The following ASPRV1 variants were observed in gnomAD, a reference collection of about 807,000 sequenced individuals.
ASPRV1 encodes the protein aspartic peptidase retroviral like 1.
Under a neutral mutation model 11.0 loss-of-function variants are expected in ASPRV1, and 7 were observed. That is an observed-to-expected ratio of 0.64 (90% CI 0.36 to 1.20). The LOEUF is 1.20. ASPRV1 is among the 50% of genes most tolerant of loss of function. The pLI, the probability that ASPRV1 is intolerant of heterozygous loss-of-function variation, is 0.02. For synonymous variants in ASPRV1, 136 were observed against 138.4 expected (o/e 0.98, Z 0.12); for missense variants, 299 against 320.0 (o/e 0.93, Z 0.50).
chr2:70,073,536 A>G, the ASPRV1 span, among the ~76,000 whole-genome samples: 1 of 152,186 alleles, frequency 6.6e-6, no homozygotes, highest in Non-Finnish European at 1.5e-5. Flanking sequence ...ACGATACTTA[A>G]CGATACTTTG....
chr2:70,018,077 T>G, the ASPRV1 span: 6 of 151,566 alleles, frequency 4.0e-5, no homozygotes, highest in African/African-American at 1.5e-4. Flanking sequence ...GAGGCGGAGG[T>G]TGCAGTGAGT....
the ASPRV1 span, among the ~76,000 whole-genome samples, chr2:69,984,624 T>G: frequency 7.2e-6 from 1 of 137,976 alleles, no homozygotes; most frequent in Non-Finnish European, 1.6e-5. Context: ...TTTTTTTTTT[T>G]TTTTTTTTTT....
the ASPRV1 span, among the ~76,000 whole-genome samples, chr2:69,946,497 T>C: frequency 0.2 from 30,436 of 152,176 alleles, 3,839 homozygotes; most frequent in East Asian, 0.43. Flanking sequence ...AGGTAAAGTA[T>C]GCAAACAGCT....
chr2:70,068,946 C>CA, the ASPRV1 span, among the ~76,000 whole-genome samples: 17,500 of 58,504 alleles, frequency 0.3, 2,342 homozygotes, highest in East Asian at 0.34. Context: ...ACTCTTGTCT[C>CA]AAAAAAAAAA....
chr2:70,006,857 T>C, the ASPRV1 span, among the ~76,000 whole-genome samples: 2 of 152,226 alleles, frequency 1.3e-5, no homozygotes, highest in Non-Finnish European at 1.5e-5. Flanking sequence ...TTTATGGCTA[T>C]ACCAGCACAA....
Position 69,960,691 on chromosome 2 carries a change from G to A in ASPRV1, c.746C>T (p.Ser249Phe), listed in dbSNP as rs532254936. ...TAGCTCCTGCCGCCCTTCTTCTGAG[G>A]AGGGGTCCTCCTCTATGAGCTCCAG... ...FDLELIEEDP[S>F]SEEGRQELSH The change falls in exon 1 of 1, where the codon TCC (serine) becomes TTC (phenylalanine). Residue 249 changes from serine (S) to phenylalanine (F), a missense_variant. Coordinates refer to ENST00000320256, the MANE Select transcript of ASPRV1 (RefSeq NM_152792.4). 356 of 1,613,864 alleles carry A rather than the reference G, an allele frequency of 2.2e-4. No homozygotes were observed. Among genetic ancestry groups the A allele is most frequent in the Non-Finnish European group, 2.8e-4 (334 of 1,179,966 alleles).
chr2:69,958,739 G>C (rs964090989), downstream of ASPRV1, among the ~76,000 whole-genome samples: 1 of 152,186 alleles, frequency 6.6e-6, no homozygotes, highest in Non-Finnish European at 1.5e-5. Context: ...GAGTGGGGCT[G>C]AAAATCAAAT....
the ASPRV1 span, chr2:69,937,451 G>GGAGA: frequency 6.6e-7 from 1 of 1,520,434 alleles, no homozygotes; most frequent in Non-Finnish European, 8.8e-7. Flanking sequence ...CCCAGAGCAG[G>GGAGA]GGTTCAGTAC....
the ASPRV1 span, among the ~76,000 whole-genome samples, chr2:69,948,083 CAA>C: frequency 5.8e-5 from 8 of 137,918 alleles, no homozygotes; most frequent in Admixed American, 7.1e-5. Flanking sequence ...CCCCGTCTCT[CAA>C]AAAAAAAAAA....
the ASPRV1 span, chr2:69,943,012 C>T: frequency 6.6e-6 from 1 of 152,164 alleles, no homozygotes; most frequent in African/African-American, 2.4e-5. Flanking sequence ...GAACTGCGTT[C>T]ATCAGATTTC....
At chr2:70,004,302 C>T in the ASPRV1 span, among the ~76,000 whole-genome samples, 157 of 152,080 alleles carry the variant, frequency 1.0e-3, 1 homozygote, top group African/African-American at 3.4e-3. Flanking sequence ...GAGGCCGAGG[C>T]GGGCGGATGA....
the ASPRV1 span, among the ~76,000 whole-genome samples, chr2:70,014,080 T>C: frequency 6.6e-6 from 1 of 152,190 alleles, no homozygotes; most frequent in African/African-American, 2.4e-5. Context: ...TTTAAGAGTG[T>C]AGAAGAGCAT....
the ASPRV1 span, among the ~76,000 whole-genome samples, chr2:69,998,377 T>C: frequency 1.3e-5 from 2 of 151,802 alleles, no homozygotes; most frequent in East Asian, 1.9e-4. Context: ...CTAGCAAATC[T>C]GAAACAGAGA....
chr2:70,044,388 G>A, the ASPRV1 span, among the ~76,000 whole-genome samples: 2 of 152,142 alleles, frequency 1.3e-5, no homozygotes, highest in Non-Finnish European at 2.9e-5. Flanking sequence ...CAGGGGCCAG[G>A]ATCCCTGGAT....
the ASPRV1 span, chr2:70,030,817 AT>A: frequency 6.6e-6 from 1 of 152,210 alleles, no homozygotes; most frequent in Non-Finnish European, 1.5e-5. Context: ...CCTAACCCCA[AT>A]AATCAAGGAG....
chr2:70,077,851 G>A, the ASPRV1 span, among the ~76,000 whole-genome samples: 2 of 150,838 alleles, frequency 1.3e-5, no homozygotes, highest in Non-Finnish European at 3.0e-5. Context: ...GCGAAACTCT[G>A]TCTCAAAAAA....
the ASPRV1 span, among the ~76,000 whole-genome samples, chr2:70,074,113 G>A: frequency 5.2e-5 from 5 of 95,502 alleles, no homozygotes; most frequent in African/African-American, 8.6e-5. Flanking sequence ...CAGCCCGGGC[G>A]ACAGAGCAAA....
chr2:70,081,908 A>T, the ASPRV1 span, among the ~76,000 whole-genome samples: 1 of 152,016 alleles, frequency 6.6e-6, no homozygotes, highest in African/African-American at 2.4e-5. Context: ...AATAAAAGAG[A>T]AATAGAAAGA....
upstream of ASPRV1, chr2:69,963,485 C>G (rs774835774): frequency 4.6e-5 from 21 of 454,034 alleles, no homozygotes; most frequent in Middle Eastern, 1.1e-3. Flanking sequence ...TTCATTACCT[C>G]TGCACATCTG....
Sources: allele counts gnomAD v4.1 joint callset (sites outside exome capture counted in the v4.1 genomes callset), GRCh38; gene constraint gnomAD v4.1.1; transcripts MANE v1.5; gene names NCBI Gene and HGNC (gene_info 2026-07-23, HGNC 2026-07-21).